Variants in MAF observed in about 807,000 individuals in gnomAD.
MAF encodes MAF bZIP transcription factor.
MAF carries 10 observed loss-of-function variants against 22.0 expected under a neutral mutation model. That is an observed-to-expected ratio of 0.45 (90% confidence interval 0.28 to 0.77). The LOEUF is 0.77. MAF is among the 30% of genes least tolerant of loss of function. The probability of loss-of-function intolerance (pLI) is 0.12; values close to 1 mark genes in which losing one functional copy is unlikely to be tolerated. For missense variants in MAF, 544 were observed against 548.4 expected, an observed-to-expected ratio of 0.99 and a Z score of 0.08; for synonymous variants, 337 against 255.8, an observed-to-expected ratio of 1.32 and a Z score of -3.03.
the MAF span, among the ~76,000 whole-genome samples, chr16:79,477,658 G>C: frequency 2.0e-5 from 3 of 151,998 alleles, no homozygotes; most frequent in Non-Finnish European, 2.9e-5. Context: ...CCATGTATTC[G>C]TATCTTATTT....
chr16:79,464,236 G>A, the MAF span, among the ~76,000 whole-genome samples: 1 of 152,124 alleles, frequency 6.6e-6, no homozygotes, highest in Non-Finnish European at 1.5e-5. Flanking sequence ...CAGGGATAAT[G>A]ACTCAGATGA....
chr16:79,433,412 C>A, the MAF span, among the ~76,000 whole-genome samples: 54 of 151,378 alleles, frequency 3.6e-4, no homozygotes, highest in African/African-American at 1.3e-3. Context: ...GTCTTTTTGC[C>A]TTGGCCACCA....
At chr16:79,272,914 G>A in the MAF span, among the ~76,000 whole-genome samples, 1 of 152,046 alleles carries the variant, frequency 6.6e-6, no homozygotes, top group Non-Finnish European at 1.5e-5. Context: ...CCTGATCCAA[G>A]ACCCTAAACT....
At chr16:79,437,402 G>C in the MAF span, among the ~76,000 whole-genome samples, 7 of 152,338 alleles carry the variant, frequency 4.6e-5, no homozygotes, top group African/African-American at 1.7e-4. Context: ...TGGCCTGTTT[G>C]AGATTGTACA....
the MAF span, among the ~76,000 whole-genome samples, chr16:79,474,830 G>A: frequency 6.6e-6 from 1 of 152,138 alleles, no homozygotes; most frequent in Non-Finnish European, 1.5e-5. Context: ...CCCATTCTGA[G>A]CCATGTCTAG....
At chr16:79,482,209 G>A in the MAF span, among the ~76,000 whole-genome samples, 1 of 152,200 alleles carries the variant, frequency 6.6e-6, no homozygotes, top group Admixed American at 6.5e-5. Context: ...AATAAGGGGA[G>A]ACCACAGTCA....
At chr16:79,480,409 A>G in the MAF span, among the ~76,000 whole-genome samples, 1 of 152,074 alleles carries the variant, frequency 6.6e-6, no homozygotes, top group Non-Finnish European at 1.5e-5. Context: ...AGCACAAACT[A>G]GTGTGACCCA....
At chr16:79,488,923 T>C in the MAF span, among the ~76,000 whole-genome samples, 1 of 152,286 alleles carries the variant, frequency 6.6e-6, no homozygotes, top group South Asian at 2.1e-4. Context: ...TAAGGCAGGA[T>C]CATCTCTCCT....
chr16:79,508,983 G>T, the MAF span, among the ~76,000 whole-genome samples: 3 of 152,124 alleles, frequency 2.0e-5, no homozygotes, highest in Non-Finnish European at 2.9e-5. Flanking sequence ...CCAACAAATT[G>T]TATACTTTAA....
chr16:79,376,846 C>T, the MAF span, among the ~76,000 whole-genome samples: 10 of 152,214 alleles, frequency 6.6e-5, no homozygotes, highest in African/African-American at 2.4e-4. Context: ...CTACAAAGGA[C>T]ATGAACTCAT....
the MAF span, among the ~76,000 whole-genome samples, chr16:79,504,610 G>A: frequency 6.6e-6 from 1 of 152,076 alleles, no homozygotes; most frequent in South Asian, 2.1e-4. Context: ...TAAATGGATA[G>A]AGGATGGAAG....
chr16:79,288,864 G>A, the MAF span, among the ~76,000 whole-genome samples: 7 of 152,168 alleles, frequency 4.6e-5, no homozygotes, highest in African/African-American at 7.2e-5. Flanking sequence ...TGAGTAGCTG[G>A]GATCACAGGC....
the MAF span, among the ~76,000 whole-genome samples, chr16:79,485,489 A>G: frequency 1.3e-5 from 2 of 152,194 alleles, no homozygotes; most frequent in Admixed American, 1.3e-4. Context: ...GCTGAGTTTT[A>G]TCATTCTGAT....
At chr16:79,300,971 G>A in the MAF span, among the ~76,000 whole-genome samples, 2 of 152,052 alleles carry the variant, frequency 1.3e-5, no homozygotes, top group Admixed American at 1.3e-4. Flanking sequence ...GGACAGCAGA[G>A]GGGCAGAAGG....
the MAF span, among the ~76,000 whole-genome samples, chr16:79,421,053 TGAGA>T: frequency 2.0e-4 from 30 of 151,394 alleles, 1 homozygote; most frequent in African/African-American, 5.3e-4. Flanking sequence ...AAAAAAAAAT[TGAGA>T]GAGAGAGATT....
At chr16:79,594,798 G>A in intron 1 of MAF, 1 of 1,293,134 alleles carries the variant, frequency 7.7e-7, no homozygotes, top group Non-Finnish European at 9.8e-7. Context: ...CTTTTACTAG[G>A]AGTTAACCTT....
At chr16:79,580,939 G>T (rs1912479005), downstream of MAF, among the ~76,000 whole-genome samples, 1 of 152,122 alleles carries the variant, frequency 6.6e-6, no homozygotes, top group Non-Finnish European at 1.5e-5. Flanking sequence ...CTGGAGCAAA[G>T]AATGAGAAAG....
At chr16:79,243,565 C>G in the MAF span, among the ~76,000 whole-genome samples, 2 of 151,936 alleles carry the variant, frequency 1.3e-5, no homozygotes, top group Admixed American at 1.3e-4. Flanking sequence ...GAAAATGATG[C>G]AGTAATTAAT....
chr16:79,208,689 TACTATTGAGATTTC>T, the MAF span, among the ~76,000 whole-genome samples: 1 of 152,158 alleles, frequency 6.6e-6, no homozygotes, highest in Non-Finnish European at 1.5e-5. Flanking sequence ...CCTGCTTGTT[TACTATTGAGATTTC>T]ACTAATGTGC....
Sources: allele counts gnomAD v4.1 joint callset (sites outside exome capture counted in the v4.1 genomes callset), GRCh38; gene constraint gnomAD v4.1.1; transcripts MANE v1.5; gene names NCBI Gene and HGNC (gene_info 2026-07-23, HGNC 2026-07-21).